CD6: variants seen among roughly 807,000 people sequenced by gnomAD.
CD6 encodes T-cell differentiation antigen CD6.
Under a neutral mutation model 75.3 loss-of-function variants are expected in CD6, and 53 were observed. That is an observed-to-expected ratio of 0.70 (90% confidence interval 0.56 to 0.88). The LOEUF (loss-of-function observed/expected upper bound fraction) is 0.88. Ranked by LOEUF, CD6 falls within the 40% of genes least tolerant of loss-of-function variation. CD6 has a pLI of 0.00. For synonymous variants in CD6, 359 were observed against 381.5 expected (o/e 0.94, Z 0.69); for missense variants, 770 against 897.1 (o/e 0.86, Z 1.81).
At chr11:60,987,725 C>A (rs75152709) in intron 1 of CD6, among the ~76,000 whole-genome samples, 3 of 49,214 alleles carry the variant, frequency 6.1e-5, no homozygotes, top group Non-Finnish European at 1.9e-4. Flanking sequence ...ATCTTTCCAT[C>A]GATTTCTTAC....
chr11:60,998,048 T>C (rs1858390802), intron 1 of CD6, among the ~76,000 whole-genome samples: 1 of 152,204 alleles, frequency 6.6e-6, no homozygotes, highest in East Asian at 1.9e-4. Context: ...ATGGACGGTG[T>C]AGGACAGATT....
intron 1 of CD6, among the ~76,000 whole-genome samples, chr11:60,997,301 C>T (rs745785784): frequency 1.1e-4 from 16 of 151,206 alleles, no homozygotes; most frequent in Non-Finnish European, 1.9e-4. Flanking sequence ...TCGCTTGAAC[C>T]TGGGAGATGG....
chr11:61,007,554 T>C lies in CD6; in HGVS notation c.119-6T>C. ...CGGTCTCAGCTCTCTGGTCTGACAC[T>C]TCCAGGGGAGCGGCTTCCGGTCCGT... is the stretch of plus-strand genomic sequence containing the variant. On this transcript the variant is annotated splice_polypyrimidine_tract_variant and splice_region_variant and intron_variant, in intron 2 of 12. Coordinates refer to ENST00000313421, the MANE Select transcript of CD6 (RefSeq NM_006725.5). This position sits in a 1 kb window ranked among gnomAD's most constrained non-coding sequence, Gnocchi z 4.2. 1 of 1,486,012 alleles carries C rather than the reference T, an allele frequency of 6.7e-7. No individual in the cohort carries two copies. Among genetic ancestry groups the C allele is most frequent in the Non-Finnish European group, 9.0e-7 (1 of 1,117,226 alleles). 92.1% of individuals were successfully genotyped at this position (1,486,012 alleles called of 1,614,324 possible).
chr11:60,979,660 G>C (rs1246263241), intron 1 of CD6, among the ~76,000 whole-genome samples: 1 of 152,008 alleles, frequency 6.6e-6, no homozygotes, highest in African/African-American at 2.4e-5. Context: ...TAGAGACGGG[G>C]TTTCACCATT....
intron 1 of CD6, among the ~76,000 whole-genome samples, chr11:60,991,072 A>G (rs1438942003): frequency 1.3e-5 from 2 of 151,256 alleles, no homozygotes; most frequent in Non-Finnish European, 2.9e-5. Flanking sequence ...AGATCAAGGT[A>G]TGAGCCTCTT....
Position 61,020,152 on chromosome 11 carries a change from G to A in CD6, c.*834G>A. 2 of 398,694 alleles carry A rather than the reference G, an allele frequency of 5.0e-6. No individual in the cohort carries two copies. The allele number at this position is 398,694 out of a possible 1,614,324, so 24.7% of individuals were successfully genotyped here. A position where few individuals can be genotyped will look rare whatever the true frequency, so the allele number is the denominator to read the frequency against. On this transcript the variant is annotated 3_prime_UTR_variant, in exon 13 of 13. Transcript: ENST00000313421. ...AGTCTCCATGGGGGCAAGGAGCATA[G>A]AGATGTTTTCCAGGAAGGGGCTCAG...
chr11:60,988,420 A>G (rs1857913667), intron 1 of CD6, among the ~76,000 whole-genome samples: 1 of 152,222 alleles, frequency 6.6e-6, no homozygotes. Context: ...ACAAAGCATT[A>G]GTCTGAACAT....
chr11:60,986,246 C>T (rs1318333351), intron 1 of CD6, among the ~76,000 whole-genome samples: 3 of 152,244 alleles, frequency 2.0e-5, no homozygotes, highest in African/African-American at 7.2e-5. Context: ...CACCTTCACA[C>T]AACCCGGCTG....
At position 60,993,497 on chromosome 11, in the gene CD6, G is replaced by A. The variant is rs193017694; in HGVS notation, c.50-13077G>A. On this transcript the variant is annotated intron_variant, in intron 1 of 12. Transcript: ENST00000313421. ...ATAACAACCACAGCTACCATATACCGCGTCCTAAGCGTTTTACGAAGATCA... is the reference window on the plus strand; with the variant it reads ...ATAACAACCACAGCTACCATATACCACGTCCTAAGCGTTTTACGAAGATCA... Among the ~76,000 whole-genome samples the A allele has an allele frequency of 4.5e-3, 675 of 151,634 alleles. 1 individual carries two copies. The highest frequency in any genetic ancestry group is 6.6e-3 in the Non-Finnish European group (446 of 67,806).
chr11:60,991,145 C>CTT (rs1319427330), intron 1 of CD6, among the ~76,000 whole-genome samples: 3 of 85,788 alleles, frequency 3.5e-5, no homozygotes, highest in East Asian at 4.5e-4. Context: ...TTTTCTTTTT[C>CTT]TTTCTTTTTT....
chr11:61,015,130 TA>T (rs201596479), intron 8 of CD6, among the ~76,000 whole-genome samples: 6,682 of 152,302 alleles, frequency 0.044, 204 homozygotes, highest in Middle Eastern at 0.1. Flanking sequence ...TCATGAGGGT[TA>T]AATGAGGTAA....
At chr11:60,979,490 G>A (rs1409500474) in intron 1 of CD6, among the ~76,000 whole-genome samples, 8 of 150,304 alleles carry the variant, frequency 5.3e-5, no homozygotes, top group East Asian at 1.9e-4. Context: ...TTTTTGAGAC[G>A]GAGTCTCAGT....
At position 61,015,727 on chromosome 11, in the gene CD6, A is replaced by G. The variant is rs1020228474; in HGVS notation, c.1402A>G (p.Ile468Val). 58 of 1,613,960 alleles carry G rather than the reference A, an allele frequency of 3.6e-5. No individual in the cohort carries two copies. Among genetic ancestry groups the G allele is most frequent in the Non-Finnish European group, 4.7e-5 (55 of 1,180,008 alleles). The change falls in exon 9 of 13, where the codon ATC becomes GTC. Residue 468 changes from isoleucine (I) to valine (V), a missense_variant. Coordinates refer to ENST00000313421, the MANE Select transcript of CD6 (RefSeq NM_006725.5). ...TIPKEVFMLP[I>V]QVQAPPPEDS... ...TCTCTCCCCAGTTTTCATGCTGCCC[A>G]TCCAGGTCCAGGCCCCGCCCCCTGA... is the stretch of plus-strand genomic sequence containing the variant.
At chr11:61,013,030 C>T (rs902610655) in intron 6 of CD6, among the ~76,000 whole-genome samples, 1 of 152,186 alleles carries the variant, frequency 6.6e-6, no homozygotes, top group East Asian at 1.9e-4. Context: ...TTGATCTCTC[C>T]GCTAGACAAA....
intron 1 of CD6, among the ~76,000 whole-genome samples, chr11:60,997,112 A>G (rs1858337360): frequency 6.6e-6 from 1 of 152,222 alleles, no homozygotes. Flanking sequence ...ATGGTGGCTC[A>G]TGCCTGTAAT....
chr11:60,993,435 C>T (rs11230554), intron 1 of CD6, among the ~76,000 whole-genome samples: 5,818 of 152,150 alleles, frequency 0.038, 162 homozygotes, highest in Non-Finnish European at 0.061. Context: ...AAGGGCCAAA[C>T]GAGAGAAAAG....
At chr11:60,998,842 C>T (rs1451493746) in intron 1 of CD6, among the ~76,000 whole-genome samples, 1 of 107,878 alleles carries the variant, frequency 9.3e-6, no homozygotes, top group Non-Finnish European at 1.8e-5. Context: ...TAGAACAACA[C>T]AAGGCAGAAA....
chr11:60,983,631 T>C (rs549346861), intron 1 of CD6, among the ~76,000 whole-genome samples: 1 of 151,940 alleles, frequency 6.6e-6, no homozygotes, highest in East Asian at 1.9e-4. Context: ...GTTTTTGTTG[T>C]TGTTTTTTTT....
Position 61,018,021 on chromosome 11 carries a change from G to A in CD6, c.1837+8G>A. 1 of 1,609,500 alleles carries A rather than the reference G, an allele frequency of 6.2e-7. No individual in the cohort carries two copies. The highest frequency in any genetic ancestry group is 8.5e-7 in the Non-Finnish European group (1 of 1,179,336). ...CCCAGCCAGCCTTTTCAGGTAAGCT[G>A]TGCCTCCCCCAAACCCCCATCCCAT... On this transcript the variant is annotated splice_region_variant and intron_variant, in intron 11 of 12. Coordinates refer to ENST00000313421, the MANE Select transcript of CD6 (RefSeq NM_006725.5).
Sources: allele counts gnomAD v4.1 joint callset (sites outside exome capture counted in the v4.1 genomes callset), GRCh38; gene constraint gnomAD v4.1.1; non-coding constraint Gnocchi (gnomAD v3.1); transcripts MANE v1.5; gene names NCBI Gene and HGNC (gene_info 2026-07-23, HGNC 2026-07-21).